FRMD4B: variants seen among roughly 807,000 people sequenced by gnomAD.
FRMD4B encodes FERM domain containing 4B, also known as FERM domain-containing protein 4B.
A neutral mutation model predicts 141.5 loss-of-function variants in FRMD4B; 74 were observed. The observed-to-expected ratio is 0.52, with a 90% CI of 0.43 to 0.63. FRMD4B has a LOEUF of 0.63. Among genes scored for constraint, FRMD4B ranks in the 30% least tolerant of loss-of-function variants. FRMD4B has a pLI of 0.00. For missense variants in FRMD4B, 1,366 were observed against 1,253.4 expected, an observed-to-expected ratio of 1.09 and a Z score of -1.36; for synonymous variants, 506 against 467.9, an observed-to-expected ratio of 1.08 and a Z score of -1.05.
chr3:69,313,175 A>G (rs1473128737), intron 2 of FRMD4B, among the ~76,000 whole-genome samples: 1 of 152,168 alleles, frequency 6.6e-6, no homozygotes, highest in African/African-American at 2.4e-5. Flanking sequence ...AGGGTCACAG[A>G]GCTATTAAGT....
chr3:69,427,304 A>G (rs925230925), intron 2 of FRMD4B, among the ~76,000 whole-genome samples: 1 of 148,318 alleles, frequency 6.7e-6, no homozygotes, highest in African/African-American at 2.4e-5. Context: ...TTTATAATAT[A>G]TTGTTATATA....
chr3:69,359,320 T>G (rs1703409516), intron 1 of FRMD4B, among the ~76,000 whole-genome samples: 3 of 152,150 alleles, frequency 2.0e-5, no homozygotes, highest in Admixed American at 2.0e-4. Context: ...GGTTAGTTGG[T>G]TTCAGGACCA....
intron 2 of FRMD4B, among the ~76,000 whole-genome samples, chr3:69,421,450 T>G (rs1704977890): frequency 6.6e-6 from 1 of 152,126 alleles, no homozygotes; most frequent in South Asian, 2.1e-4. Flanking sequence ...GGAGAGCACA[T>G]GTTTTGTCCA....
chr3:69,196,742 T>A (rs1261353002), intron 13 of FRMD4B, 158 bp downstream of exon 13: 1 of 626,216 alleles, frequency 1.6e-6, no homozygotes, highest in Non-Finnish European at 2.7e-6. Context: ...TTGCCCATCA[T>A]GTAAACATAT....
At chr3:69,172,632 A>G (rs957796400) in intron 22 of FRMD4B, among the ~76,000 whole-genome samples, 1 of 152,252 alleles carries the variant, frequency 6.6e-6, no homozygotes, top group Non-Finnish European at 1.5e-5. Context: ...GCAGGGGCAC[A>G]TAGGGACATA....
chr3:69,500,046 C>T (rs1706466133), intron 1 of FRMD4B, among the ~76,000 whole-genome samples: 1 of 152,192 alleles, frequency 6.6e-6, no homozygotes, highest in South Asian at 2.1e-4. Context: ...TCTGAACATC[C>T]CCAGAGGCCA....
chr3:69,243,490 T>C (rs2093403054), intron 7 of FRMD4B, among the ~76,000 whole-genome samples: 1 of 152,168 alleles, frequency 6.6e-6, no homozygotes, highest in African/African-American at 2.4e-5. Flanking sequence ...AATGCCAGGT[T>C]GTGCTGGTGT....
chr3:69,506,095 C>T (rs963664512), intron 1 of FRMD4B, among the ~76,000 whole-genome samples: 1 of 152,130 alleles, frequency 6.6e-6, no homozygotes, highest in African/African-American at 2.4e-5. Flanking sequence ...CTCCACTGAC[C>T]TTTCTGGTCA....
intron 1 of FRMD4B, among the ~76,000 whole-genome samples, chr3:69,441,073 C>T (rs917021581): frequency 6.6e-6 from 1 of 151,856 alleles, no homozygotes; most frequent in Non-Finnish European, 1.5e-5. Flanking sequence ...TTTTTGAAAC[C>T]CAAATCTGAA....
intron 1 of FRMD4B, among the ~76,000 whole-genome samples, chr3:69,325,673 T>G (rs924707557): frequency 3.3e-5 from 5 of 152,166 alleles, no homozygotes; most frequent in African/African-American, 1.2e-4. Flanking sequence ...TCAGTCTCAT[T>G]TGGGTTTGCC....
chr3:69,475,259 G>C (rs77583728), intron 1 of FRMD4B, among the ~76,000 whole-genome samples: 1 of 151,660 alleles, frequency 6.6e-6, no homozygotes, highest in Non-Finnish European at 1.5e-5. Context: ...GAAATGTGCA[G>C]GTTAGTTACA....
intron 7 of FRMD4B, among the ~76,000 whole-genome samples, chr3:69,227,241 A>G (rs2093263145): frequency 6.6e-6 from 1 of 152,234 alleles, no homozygotes; most frequent in Non-Finnish European, 1.5e-5. Context: ...AGTATCTGAG[A>G]TAATGATGAA....
intron 7 of FRMD4B, 64 bp downstream of exon 7, chr3:69,249,161 AT>A: frequency 3.0e-6 from 3 of 1,010,660 alleles, no homozygotes; most frequent in Non-Finnish European, 4.5e-6. Context: ...GTTATTTAAA[AT>A]AACCACATAA....
chr3:69,281,838 A>T (rs13322286), intron 5 of FRMD4B, among the ~76,000 whole-genome samples: 70,836 of 128,358 alleles, frequency 0.55, 19,495 homozygotes, highest in Middle Eastern at 0.59. Context: ...AAAAAAAAAA[A>T]ATATATATAT....
intron 1 of FRMD4B, among the ~76,000 whole-genome samples, chr3:69,480,409 T>C (rs1197940611): frequency 1.3e-5 from 2 of 152,190 alleles, no homozygotes; most frequent in African/African-American, 4.8e-5. Context: ...TTCTGTTTGT[T>C]AGTTTTCCTT....
At chr3:69,190,253 T>C (rs889064037) in intron 17 of FRMD4B, among the ~76,000 whole-genome samples, 4 of 152,194 alleles carry the variant, frequency 2.6e-5, no homozygotes, top group African/African-American at 9.7e-5. Flanking sequence ...ACTTTACCTA[T>C]ATATTTAGTG....
intron 1 of FRMD4B, among the ~76,000 whole-genome samples, chr3:69,456,039 C>T (rs532271036): frequency 6.6e-6 from 1 of 152,110 alleles, no homozygotes; most frequent in African/African-American, 2.4e-5. Context: ...GTTTCTGGCA[C>T]GTGGTGAAGG....
intron 1 of FRMD4B, among the ~76,000 whole-genome samples, chr3:69,321,179 CA>C (rs1366601338): frequency 9.2e-5 from 14 of 152,124 alleles, no homozygotes; most frequent in African/African-American, 3.4e-4. Flanking sequence ...GGTAAGAAAC[CA>C]AAAGGCAATT....
chr3:69,374,448 C>T (rs1414053980), intron 1 of FRMD4B, among the ~76,000 whole-genome samples: 1 of 152,128 alleles, frequency 6.6e-6, no homozygotes, highest in Non-Finnish European at 1.5e-5. Context: ...TATTTGCTGG[C>T]TACACTACCC....
Sources: allele counts gnomAD v4.1 joint callset (sites outside exome capture counted in the v4.1 genomes callset), GRCh38; gene constraint gnomAD v4.1.1; transcripts MANE v1.5; gene names NCBI Gene and HGNC (gene_info 2026-07-23, HGNC 2026-07-21).